LRRC2: variants seen among roughly 807,000 people sequenced by gnomAD.
LRRC2 encodes the protein leucine-rich repeat-containing protein 2.
A neutral mutation model predicts 40.2 loss-of-function variants in LRRC2; 27 were observed. The ratio of observed to expected loss-of-function variants is 0.67; its 90% CI spans 0.49 to 0.93. LRRC2 has a LOEUF of 0.93. Among genes scored for constraint, LRRC2 ranks in the 40% least tolerant of loss-of-function variants. The probability of loss-of-function intolerance (pLI) is 0.00; values close to 1 mark genes in which losing one functional copy is unlikely to be tolerated. For missense variants in LRRC2, 402 were observed against 439.6 expected, an observed-to-expected ratio of 0.91 and a Z score of 0.76; for synonymous variants, 147 against 158.9, an observed-to-expected ratio of 0.92 and a Z score of 0.56.
intron 7 of LRRC2, among the ~76,000 whole-genome samples, chr3:46,522,865 A>G (rs1703991593): frequency 6.6e-6 from 1 of 152,076 alleles, no homozygotes; most frequent in Admixed American, 6.6e-5. Flanking sequence ...CAATTTTCAA[A>G]GATGTATTGA....
At chr3:46,525,973 T>G (rs1704054192) in intron 7 of LRRC2, among the ~76,000 whole-genome samples, 1 of 152,054 alleles carries the variant, frequency 6.6e-6, no homozygotes, top group South Asian at 2.1e-4. Flanking sequence ...TTTCTTTTTT[T>G]GATGGAGTCT....
In LRRC2 at chr3:46,516,512, A is replaced by C. The variant is rs994288677; in HGVS notation, c.*2502T>G. ...CTACCCCAGATTAACTTCCAAAAAA[A>C]CAAATAACTAGCTAGACCTGTTCAG... On this transcript the variant is annotated 3_prime_UTR_variant, in exon 9 of 9. Transcript: ENST00000395905. The C allele has an allele frequency of 1.3e-5, 2 of 152,186 alleles. No individual in the cohort carries two copies. The highest frequency in any genetic ancestry group is 4.8e-5 in the African/African-American group (2 of 41,438). 9.4% of individuals were successfully genotyped at this position (152,186 alleles called of 1,614,324 possible). A position where few individuals can be genotyped will look rare whatever the true frequency, so the allele number is the denominator to read the frequency against.
chr3:46,554,001 T>G (rs533125384), intron 1 of LRRC2, among the ~76,000 whole-genome samples: 2 of 150,154 alleles, frequency 1.3e-5, no homozygotes, highest in Non-Finnish European at 1.5e-5. Context: ...GTTGTTTCAT[T>G]GGTTGTTGTT....
chr3:46,545,402 G>A, intron 2 of LRRC2, 149 bp from the exon 3 acceptor site: 1 of 658,726 alleles, frequency 1.5e-6, no homozygotes, highest in Non-Finnish European at 2.6e-6. Context: ...CCCTGCTGTG[G>A]GGGTGCAGGG....
intron 1 of LRRC2, among the ~76,000 whole-genome samples, chr3:46,564,496 G>A (rs949420119): frequency 3.3e-5 from 5 of 152,162 alleles, no homozygotes; most frequent in Non-Finnish European, 7.3e-5. Flanking sequence ...GAGGTGTGGA[G>A]TGGGTGCAGG....
At chr3:46,540,486 C>G (rs913566615) in intron 3 of LRRC2, among the ~76,000 whole-genome samples, 2 of 150,330 alleles carry the variant, frequency 1.3e-5, no homozygotes, top group Non-Finnish European at 2.9e-5. Context: ...AATAGCACCA[C>G]TGCACTCCAG....
At chr3:46,565,363 A>G (rs867997200) in intron 1 of LRRC2, among the ~76,000 whole-genome samples, 31 of 152,350 alleles carry the variant, frequency 2.0e-4, no homozygotes, top group Admixed American at 5.9e-4. Context: ...AGAACATCAC[A>G]TAGGATCATT....
intron 4 of LRRC2, among the ~76,000 whole-genome samples, chr3:46,538,630 G>A (rs1368745825): frequency 3.9e-5 from 6 of 151,936 alleles, no homozygotes; most frequent in South Asian, 2.1e-4. Context: ...GCGAAACTCC[G>A]TCTCAAGGAA....
intron 1 of LRRC2, among the ~76,000 whole-genome samples, chr3:46,555,705 AT>A (rs1186840246): frequency 2.0e-5 from 3 of 152,100 alleles, no homozygotes; most frequent in Non-Finnish European, 2.9e-5. Context: ...TCAATGTTAT[AT>A]TTTTGGCTTC....
chr3:46,554,460 A>T (rs752430992), intron 1 of LRRC2, among the ~76,000 whole-genome samples: 5 of 152,066 alleles, frequency 3.3e-5, no homozygotes, highest in Non-Finnish European at 5.9e-5. Context: ...CCTGGCCAAT[A>T]TGGTGAAACC....
At chr3:46,536,213 G>A (rs566212174) in intron 4 of LRRC2, among the ~76,000 whole-genome samples, 5 of 152,302 alleles carry the variant, frequency 3.3e-5, no homozygotes, top group Admixed American at 6.5e-5. Context: ...GAAACTTAGC[G>A]CTTACTGAGA....
At chr3:46,537,731 T>C (rs1302802410) in intron 4 of LRRC2, among the ~76,000 whole-genome samples, 1 of 152,238 alleles carries the variant, frequency 6.6e-6, no homozygotes, top group Non-Finnish European at 1.5e-5. Context: ...CCTTGTTGGG[T>C]CTAAAATTTG....
intron 3 of LRRC2, among the ~76,000 whole-genome samples, chr3:46,544,240 CG>C (rs1704473984): frequency 6.6e-6 from 1 of 152,086 alleles, no homozygotes; most frequent in Non-Finnish European, 1.5e-5. Flanking sequence ...ATACAAAGCC[CG>C]GGCGTGGTGG....
At chr3:46,551,389 C>T in intron 2 of LRRC2, 78 bp downstream of exon 2, 2 of 1,524,488 alleles carry the variant, frequency 1.3e-6, no homozygotes, top group Non-Finnish European at 1.8e-6. Context: ...AAAGCATCCT[C>T]CTCCACAACG....
intron 1 of LRRC2, among the ~76,000 whole-genome samples, chr3:46,565,325 C>T (rs530301396): frequency 1.3e-5 from 2 of 152,208 alleles, no homozygotes; most frequent in South Asian, 2.1e-4. Flanking sequence ...CGTGATGGAG[C>T]AAACAGCACT....
At chr3:46,543,541 G>A (rs548294247) in intron 3 of LRRC2, among the ~76,000 whole-genome samples, 37 of 151,904 alleles carry the variant, frequency 2.4e-4, no homozygotes, top group Non-Finnish European at 4.0e-4. Flanking sequence ...GCGTGAACCC[G>A]GGAGGCGGAG....
intron 8 of LRRC2, among the ~76,000 whole-genome samples, chr3:46,519,699 C>T (rs1304419435): frequency 6.6e-6 from 1 of 152,224 alleles, no homozygotes; most frequent in Non-Finnish European, 1.5e-5. Context: ...ACTCTCATTC[C>T]TATGTTCACT....
intron 3 of LRRC2, among the ~76,000 whole-genome samples, chr3:46,542,995 C>G (rs925030761): frequency 1.3e-5 from 2 of 152,212 alleles, no homozygotes; most frequent in African/African-American, 4.8e-5. Flanking sequence ...CCACAAATCC[C>G]TCACTGCCAC....
At chr3:46,525,051 C>A (rs2106981771) in intron 7 of LRRC2, among the ~76,000 whole-genome samples, 1 of 151,340 alleles carries the variant, frequency 6.6e-6, no homozygotes, top group South Asian at 2.1e-4. Flanking sequence ...ATTTTGAGGT[C>A]ACCCCTTCTA....
Sources: allele counts gnomAD v4.1 joint callset (sites outside exome capture counted in the v4.1 genomes callset), GRCh38; gene constraint gnomAD v4.1.1; transcripts MANE v1.5; gene names NCBI Gene and HGNC (gene_info 2026-07-23, HGNC 2026-07-21).